Variants in DCHS2 observed in about 807,000 individuals in gnomAD.
The protein encoded by DCHS2 is dachsous cadherin-related 2.
In DCHS2, 142 loss-of-function variants were observed where a neutral mutation model predicts 182.4. The ratio of observed to expected loss-of-function variants is 0.78; its 90% CI spans 0.68 to 0.89. The LOEUF (loss-of-function observed/expected upper bound fraction) is 0.89, where lower values mean the gene tolerates loss of function less well. Among genes scored for constraint, DCHS2 ranks in the 40% least tolerant of loss-of-function variants. The pLI is 0.00. For missense variants in DCHS2, 4,319 were observed against 4,198.6 expected (o/e 1.03, Z -0.79); for synonymous variants, 1,740 against 1,663.3 (o/e 1.05, Z -1.12).
chr4:154,338,373 T>C (rs1728911627), intron 3 of DCHS2, among the ~76,000 whole-genome samples: 1 of 152,072 alleles, frequency 6.6e-6, no homozygotes, highest in East Asian at 1.9e-4. Context: ...GGACAGGTAG[T>C]TTAGATAAGA....
chr4:154,284,093 A>G (rs1455927938), intron 13 of DCHS2, among the ~76,000 whole-genome samples: 1 of 152,198 alleles, frequency 6.6e-6, no homozygotes, highest in Admixed American at 6.5e-5. Flanking sequence ...TCACTTAAAG[A>G]AATGCCTTTT....
At chr4:154,485,813 A>G (rs1728560830) in intron 1 of DCHS2, among the ~76,000 whole-genome samples, 1 of 152,254 alleles carries the variant, frequency 6.6e-6, no homozygotes, top group Non-Finnish European at 1.5e-5. Flanking sequence ...TACTTAGTAC[A>G]GACTAAGATC....
chr4:154,272,666 C>A (rs1030506319), intron 13 of DCHS2, among the ~76,000 whole-genome samples: 3 of 152,110 alleles, frequency 2.0e-5, no homozygotes, highest in Non-Finnish European at 4.4e-5. Context: ...CCTCCCCAGC[C>A]ATGCAGAACT....
rs75236743 is a variant in DCHS2 at position 154,310,485 on chromosome 4, A to G, written c.5261-5254T>C. ...AAGCTTAAGGAAATGAGAATGTTAGAGTGAACTTATCATGTATGACATGCT... is the reference window on the plus strand; with the variant it reads ...AAGCTTAAGGAAATGAGAATGTTAGGGTGAACTTATCATGTATGACATGCT... On this transcript the variant is annotated intron_variant, in intron 10 of 19. Transcript: ENST00000357232. 5.1e-3 allele frequency among the ~76,000 whole-genome samples: 771 copies of G among 152,338 alleles called. 10 individuals carry two copies. The highest frequency in any genetic ancestry group is 0.018 in the African/African-American group (740 of 41,584).
intron 1 of DCHS2, among the ~76,000 whole-genome samples, chr4:154,422,116 C>A (rs1733138414): frequency 6.6e-6 from 1 of 152,206 alleles, no homozygotes; most frequent in Non-Finnish European, 1.5e-5. Flanking sequence ...TAGGCTGATG[C>A]ACCCTCTTCT....
At chr4:154,357,262 T>C in intron 3 of DCHS2, 1 of 1,613,658 alleles carries the variant, frequency 6.2e-7, no homozygotes, top group Non-Finnish European at 8.5e-7. Flanking sequence ...AAACTGTTCA[T>C]TACTTCCTTG....
chr4:154,436,948 T>C (rs1733805503), intron 1 of DCHS2, among the ~76,000 whole-genome samples: 2 of 152,238 alleles, frequency 1.3e-5, no homozygotes, highest in Non-Finnish European at 2.9e-5. Flanking sequence ...AAATAACATA[T>C]AGTATTACAA....
At chr4:154,245,513 A>G (rs1260358106) in intron 16 of DCHS2, among the ~76,000 whole-genome samples, 1 of 152,078 alleles carries the variant, frequency 6.6e-6, no homozygotes, top group African/African-American at 2.4e-5. Context: ...TCTCAATTAT[A>G]TCTTAAACGT....
intron 8 of DCHS2, 100 bp downstream of exon 8, chr4:154,322,231 A>ATATACATACATATTCT: frequency 6.9e-7 from 1 of 1,451,330 alleles, no homozygotes. Context: ...ATACATATTC[A>ATATACATACATATTCT]TATACATACA....
At chr4:154,451,588 C>T (rs1734538049) in intron 1 of DCHS2, among the ~76,000 whole-genome samples, 1 of 152,134 alleles carries the variant, frequency 6.6e-6, no homozygotes, top group African/African-American at 2.4e-5. Context: ...AAACTTGGGC[C>T]TGTTCACAGA....
intron 2 of DCHS2, among the ~76,000 whole-genome samples, chr4:154,370,402 A>T (rs1476127526): frequency 6.6e-6 from 1 of 152,178 alleles, no homozygotes; most frequent in African/African-American, 2.4e-5. Context: ...TGCTGTGAAG[A>T]AAGAAGAAGA....
intron 16 of DCHS2, among the ~76,000 whole-genome samples, chr4:154,247,635 C>CAAAAAAAAAAAAAAAA (rs67157369): frequency 1.7e-4 from 17 of 100,136 alleles, no homozygotes; most frequent in African/African-American, 6.9e-4. Context: ...GACTCCGTCT[C>CAAAAAAAAAAAAAAAA]AAAAAAAAAA....
At chr4:154,468,804 A>T (rs932428450) in intron 1 of DCHS2, among the ~76,000 whole-genome samples, 2 of 152,180 alleles carry the variant, frequency 1.3e-5, no homozygotes, top group Non-Finnish European at 2.9e-5. Flanking sequence ...ATTCATTAAA[A>T]TACCAAATAT....
At chr4:154,423,149 A>T (rs1397065179) in intron 1 of DCHS2, among the ~76,000 whole-genome samples, 2 of 152,200 alleles carry the variant, frequency 1.3e-5, no homozygotes, top group Admixed American at 1.3e-4. Context: ...TAAATTTTAG[A>T]AGTTTTCATC....
chr4:154,463,372 C>T (rs1735098398), intron 1 of DCHS2, among the ~76,000 whole-genome samples: 1 of 151,840 alleles, frequency 6.6e-6, no homozygotes, highest in Non-Finnish European at 1.5e-5. Flanking sequence ...TATTAATTTC[C>T]CTATCATAGC....
intron 14 of DCHS2, among the ~76,000 whole-genome samples, chr4:154,264,406 A>G (rs568674419): frequency 5.3e-5 from 8 of 152,306 alleles, no homozygotes; most frequent in Non-Finnish European, 7.4e-5. Flanking sequence ...TTCAAAAGAC[A>G]AAGAGTTGAA....
rs561780819 is a variant in DCHS2, at chr4:154,448,615, T to C, written c.2052+40689A>G. Among the ~76,000 whole-genome samples the C allele has an allele frequency of 1.6e-4, 25 of 152,320 alleles. No homozygotes were observed. In the East Asian group the frequency reaches 4.8e-3, roughly 29 times the overall value. On this transcript the variant is annotated intron_variant, in intron 1 of 19. Transcript: ENST00000357232. ...CTCATGCCCCTGACCTCCATCCAAG[T>C]GAGCTTCTTGTGACCCCCATGCTTA...
intron 10 of DCHS2, among the ~76,000 whole-genome samples, chr4:154,312,395 G>T (rs2111317690): frequency 6.6e-6 from 1 of 152,226 alleles, no homozygotes; most frequent in East Asian, 1.9e-4. Flanking sequence ...CTAATAAAGT[G>T]CAGAGAGACC....
intron 2 of DCHS2, among the ~76,000 whole-genome samples, chr4:154,376,909 A>G (rs1279697048): frequency 1.3e-5 from 2 of 152,208 alleles, no homozygotes; most frequent in Non-Finnish European, 1.5e-5. Context: ...GATCAAATCA[A>G]TTGTGAACTT....
Sources: allele counts gnomAD v4.1 joint callset (sites outside exome capture counted in the v4.1 genomes callset), GRCh38; gene constraint gnomAD v4.1.1; transcripts MANE v1.5; gene names NCBI Gene and HGNC (gene_info 2026-07-23, HGNC 2026-07-21).